Variants in ALMS1 observed in about 807,000 individuals in gnomAD.
ALMS1 encodes centrosome-associated protein ALMS1.
In ALMS1, 271 loss-of-function variants were observed where a neutral mutation model predicts 352.2. That is an observed-to-expected ratio of 0.77 (90% confidence interval 0.70 to 0.85). ALMS1 has a LOEUF of 0.85. Among genes scored for constraint, ALMS1 ranks in the 40% least tolerant of loss-of-function variants. ALMS1 has a pLI of 0.00. For synonymous variants in ALMS1, 1,865 were observed against 1,761.2 expected (o/e 1.06, Z -1.48); for missense variants, 5,445 against 4,870.7 (o/e 1.12, Z -3.51).
At chr2:73,402,272 T>C (rs867128299) in intron 1 of ALMS1, among the ~76,000 whole-genome samples, 102 of 122,042 alleles carry the variant, frequency 8.4e-4, no homozygotes, top group African/African-American at 2.6e-3. Flanking sequence ...CTCTCTCTCT[T>C]TTTTTTTTTT....
intron 17 of ALMS1, 105 bp from the exon 18 acceptor site, chr2:73,600,573 A>T (rs762877806): frequency 1.9e-6 from 2 of 1,048,548 alleles, no homozygotes; most frequent in Non-Finnish European, 2.8e-6. Flanking sequence ...ACACAAAGGG[A>T]TTGTATTTTT....
At chr2:73,493,444 T>C (rs1673033862) in intron 10 of ALMS1, among the ~76,000 whole-genome samples, 1 of 151,574 alleles carries the variant, frequency 6.6e-6, no homozygotes, top group African/African-American at 2.4e-5. Context: ...TATAAAGGGC[T>C]GGGTGCGGTG....
intron 9 of ALMS1, among the ~76,000 whole-genome samples, chr2:73,463,345 A>G (rs982634247): frequency 3.3e-5 from 5 of 152,150 alleles, no homozygotes; most frequent in Non-Finnish European, 4.4e-5. Context: ...CTGCTCCTGA[A>G]TGACTACTGG....
chr2:73,554,891 A>G (rs1401289277), intron 13 of ALMS1, among the ~76,000 whole-genome samples: 1 of 152,210 alleles, frequency 6.6e-6, no homozygotes, highest in Non-Finnish European at 1.5e-5. Context: ...TTAAAAAGCA[A>G]TATGGTACTT....
At chr2:73,445,832 A>C (rs1489169047) in intron 7 of ALMS1, among the ~76,000 whole-genome samples, 2 of 151,870 alleles carry the variant, frequency 1.3e-5, no homozygotes, top group East Asian at 1.9e-4. Context: ...TACCTCTTCA[A>C]CTCACCCCTA....
chr2:73,601,377 G>C lies in ALMS1; in HGVS notation c.12055G>C (p.Gly4019Arg). ...QHLDGRGYLA[G>R]PGREAGRDLL... Reference sequence around the variant, plus strand: ...CCTGGACGGTCGGGGCTACCTGGCAGGCCCAGGCAGAGAGGCTGGCAGAGA... The same window carrying C: ...CCTGGACGGTCGGGGCTACCTGGCACGCCCAGGCAGAGAGGCTGGCAGAGA... The change falls in exon 19 of 23, where the codon GGC (glycine) becomes CGC (arginine). Residue 4019 changes from glycine to arginine, a missense_variant. Coordinates refer to ENST00000613296, the MANE Select transcript of ALMS1 (RefSeq NM_001378454.1). 1 of 1,614,216 alleles carries C rather than the reference G, an allele frequency of 6.2e-7. No homozygotes were observed. The highest frequency in any genetic ancestry group is 8.5e-7 in the Non-Finnish European group (1 of 1,180,028).
intron 9 of ALMS1, among the ~76,000 whole-genome samples, chr2:73,463,195 A>G (rs1040170964): frequency 1.3e-5 from 2 of 152,228 alleles, no homozygotes; most frequent in African/African-American, 4.8e-5. Flanking sequence ...AAAACTGACC[A>G]CGTAGTTGGA....
At chr2:73,494,491 C>A (rs982923872) in intron 10 of ALMS1, among the ~76,000 whole-genome samples, 5 of 152,114 alleles carry the variant, frequency 3.3e-5, no homozygotes, top group African/African-American at 1.2e-4. Context: ...ACAAATGAAC[C>A]TTTTTTGTTT....
At chr2:73,396,784 A>G (rs1438835289) in intron 1 of ALMS1, among the ~76,000 whole-genome samples, 1 of 151,580 alleles carries the variant, frequency 6.6e-6, no homozygotes, top group Non-Finnish European at 1.5e-5. Flanking sequence ...AGCTGGGACT[A>G]CAGGCGCCTG....
chr2:73,583,394 T>C (rs1573039359), intron 16 of ALMS1, among the ~76,000 whole-genome samples: 1 of 152,088 alleles, frequency 6.6e-6, no homozygotes, highest in East Asian at 1.9e-4. Flanking sequence ...ATTTTCTGTA[T>C]GTTAACCCCT....
chr2:73,579,274 G>T (rs1237228938), intron 16 of ALMS1, among the ~76,000 whole-genome samples: 1 of 151,696 alleles, frequency 6.6e-6, no homozygotes, highest in Non-Finnish European at 1.5e-5. Flanking sequence ...TGGCCAGGCT[G>T]GTCTTAAACT....
At chr2:73,392,836 T>C (rs566207877) in intron 1 of ALMS1, among the ~76,000 whole-genome samples, 30 of 152,350 alleles carry the variant, frequency 2.0e-4, no homozygotes, top group African/African-American at 6.7e-4. Flanking sequence ...TGTGGACATA[T>C]GGATTCATTT....
chr2:73,461,875 T>C (rs1353728875), intron 9 of ALMS1, among the ~76,000 whole-genome samples: 1 of 151,730 alleles, frequency 6.6e-6, no homozygotes, highest in Non-Finnish European at 1.5e-5. Flanking sequence ...ATGAAATGAA[T>C]GAAATGAAGC....
intron 12 of ALMS1, among the ~76,000 whole-genome samples, chr2:73,540,068 G>A (rs1034420902): frequency 2.6e-5 from 4 of 152,278 alleles, no homozygotes; most frequent in African/African-American, 7.2e-5. Flanking sequence ...ACACATAATT[G>A]TCAGATTCAC....
intron 1 of ALMS1, among the ~76,000 whole-genome samples, chr2:73,392,268 G>A (rs1050601939): frequency 4.8e-5 from 7 of 144,776 alleles, no homozygotes; most frequent in African/African-American, 1.7e-4. Flanking sequence ...TGATGTGTGT[G>A]TGTGTGTGTG....
At chr2:73,523,492 C>T (rs1305976654) in intron 11 of ALMS1, among the ~76,000 whole-genome samples, 7 of 152,128 alleles carry the variant, frequency 4.6e-5, no homozygotes, top group East Asian at 3.9e-4. Context: ...TCTGGCCAGG[C>T]GTGGTGGCTC....
In ALMS1 at chr2:73,559,057, A is replaced by AG. The variant is rs1329505482; in HGVS notation, c.10299_10300insG (p.Gln3434AlafsTer7). 1 of 1,614,088 alleles carries AG rather than the reference A, an allele frequency of 6.2e-7. No individual in the cohort carries two copies. The highest frequency in any genetic ancestry group is 1.7e-5 in the Admixed American group (1 of 60,014). On this transcript the variant is annotated frameshift_variant, in exon 15 of 23. Coordinates refer to ENST00000613296, the MANE Select transcript of ALMS1 (RefSeq NM_001378454.1). LOFTEE classifies it high-confidence loss of function. Reference sequence around the variant, plus strand: ...ACTTGCCAGACACTAAAGCCATTACACAGAAAGAGGAGATCCATAGGAAGA... The same window carrying AG: ...ACTTGCCAGACACTAAAGCCATTACAGCAGAAAGAGGAGATCCATAGGAAGA...
chr2:73,465,277 T>TA (rs1672309133), intron 9 of ALMS1, among the ~76,000 whole-genome samples: 1 of 152,212 alleles, frequency 6.6e-6, no homozygotes, highest in South Asian at 2.1e-4. Flanking sequence ...ATGGTACTGG[T>TA]ACCAAAACAG....
intron 14 of ALMS1, 128 bp downstream of exon 14, chr2:73,557,482 AT>A: frequency 2.5e-6 from 3 of 1,196,632 alleles, no homozygotes. Flanking sequence ...CTTCTATCTC[AT>A]GTATATATGA....
Sources: allele counts gnomAD v4.1 joint callset (sites outside exome capture counted in the v4.1 genomes callset), GRCh38; gene constraint gnomAD v4.1.1; transcripts MANE v1.5; gene names NCBI Gene and HGNC (gene_info 2026-07-23, HGNC 2026-07-21).